The following DEPTOR variants were observed in gnomAD, a reference collection of about 807,000 sequenced individuals.
DEPTOR encodes DEP domain-containing mTOR-interacting protein.
DEPTOR carries 41 observed loss-of-function variants against 41.6 expected under a neutral mutation model. The observed-to-expected ratio is 0.98, with a 90% CI of 0.77 to 1.28. The LOEUF (loss-of-function observed/expected upper bound fraction) is 1.28. Among genes scored for constraint, DEPTOR ranks in the 50% most tolerant of loss-of-function variants. The pLI is 0.00. For missense variants in DEPTOR, 514 were observed against 527.9 expected (o/e 0.97, Z 0.26); for synonymous variants, 195 against 192.3 (o/e 1.01, Z -0.12).
intron 3 of DEPTOR, among the ~76,000 whole-genome samples, chr8:119,930,395 C>T (rs1828026520): frequency 6.6e-6 from 1 of 152,120 alleles, no homozygotes; most frequent in Non-Finnish European, 1.5e-5. Context: ...AGCCACCACA[C>T]CTGGCTAATT....
chr8:119,962,308 G>A (rs1209986931), intron 3 of DEPTOR, among the ~76,000 whole-genome samples: 1 of 151,988 alleles, frequency 6.6e-6, no homozygotes, highest in East Asian at 1.9e-4. Context: ...GACAAACATG[G>A]ACTCAACCTT....
intron 4 of DEPTOR, among the ~76,000 whole-genome samples, chr8:119,991,095 T>C (rs1434019411): frequency 7.9e-6 from 1 of 127,286 alleles, no homozygotes. Flanking sequence ...TCTTTTTCTT[T>C]CTTTCTTTCT....
chr8:119,894,238 G>A (rs947148428), intron 1 of DEPTOR, among the ~76,000 whole-genome samples: 1 of 151,690 alleles, frequency 6.6e-6, no homozygotes, highest in Non-Finnish European at 1.5e-5. Flanking sequence ...AAAATTTGTT[G>A]TTGTTGTTCT....
intron 8 of DEPTOR, among the ~76,000 whole-genome samples, chr8:120,031,460 G>A (rs565772675): frequency 2.0e-5 from 3 of 152,108 alleles, no homozygotes; most frequent in Admixed American, 2.0e-4. Context: ...GTAAGACTCT[G>A]TCTCAAAATA....
intron 1 of DEPTOR, among the ~76,000 whole-genome samples, chr8:119,889,086 A>G (rs1350043531): frequency 1.3e-5 from 2 of 152,152 alleles, no homozygotes; most frequent in African/African-American, 4.8e-5. Context: ...AAATATACTG[A>G]TAATTCAATA....
At chr8:119,965,203 A>G (rs1264587373) in intron 3 of DEPTOR, 29 bp from the exon 4 acceptor site, 1 of 1,596,464 alleles carries the variant, frequency 6.3e-7, no homozygotes, top group African/African-American at 1.3e-5. Context: ...GTATAGGTTT[A>G]CTTTTCTTTT....
At chr8:119,899,148 T>C (rs1827556344) in intron 1 of DEPTOR, among the ~76,000 whole-genome samples, 1 of 152,252 alleles carries the variant, frequency 6.6e-6, no homozygotes, top group Non-Finnish European at 1.5e-5. Context: ...CCCTATCCTG[T>C]AATAGAGTGA....
chr8:119,894,384 T>TTTTATATATTTATTTA, intron 1 of DEPTOR, among the ~76,000 whole-genome samples: 1 of 46,488 alleles, frequency 2.2e-5, no homozygotes, highest in Middle Eastern at 0.011. Context: ...AATAGTTCTT[T>TTTTATATATTTATTTA]TTTATTTATT....
In DEPTOR at chr8:119,928,401, C is replaced by G. The variant is rs1827990114; in HGVS notation, c.124C>G (p.Leu42Val). The change falls in exon 2 of 9, where the codon CTC becomes GTC. Residue 42 changes from leucine to valine, a missense_variant and splice_region_variant. By Grantham distance (32) the Leu-to-Val change is conservative. Transcript: ENST00000286234. ...AGTAATTGCTAATTTTTCTTTCAGG[C>G]TCAGGCTGCACGAAGAAAAGGTTAT... The part of the protein sequence containing the change: ...EVLVTGEQLR[L>V]RLHEEKVIKD... The G allele has an allele frequency of 1.2e-6, 2 of 1,610,596 alleles. No individual in the cohort carries two copies. Among genetic ancestry groups the G allele is most frequent in the East Asian group, 2.2e-5 (1 of 44,818 alleles).
intron 3 of DEPTOR, among the ~76,000 whole-genome samples, chr8:119,947,298 A>G (rs1828292234): frequency 6.6e-6 from 1 of 152,118 alleles, no homozygotes; most frequent in South Asian, 2.1e-4. Context: ...ACTGTTTTGT[A>G]CTCATTATAT....
intron 4 of DEPTOR, among the ~76,000 whole-genome samples, chr8:119,973,652 T>G (rs1050482565): frequency 2.0e-5 from 3 of 152,228 alleles, no homozygotes; most frequent in African/African-American, 7.2e-5. Flanking sequence ...GTGGGTAAAT[T>G]GCTCACAGCT....
intron 8 of DEPTOR, among the ~76,000 whole-genome samples, chr8:120,040,638 G>A (rs975824419): frequency 6.8e-6 from 1 of 146,170 alleles, no homozygotes; most frequent in Admixed American, 6.7e-5. Flanking sequence ...GAGCAATTGC[G>A]CAGTGAAAAA....
At chr8:119,989,562 A>C (rs1354214115) in intron 4 of DEPTOR, among the ~76,000 whole-genome samples, 1 of 152,188 alleles carries the variant, frequency 6.6e-6, no homozygotes, top group Non-Finnish European at 1.5e-5. Context: ...TGCCTTGTCT[A>C]AGCCCCAGTT....
chr8:119,948,926 T>A (rs1828317068), intron 3 of DEPTOR, among the ~76,000 whole-genome samples: 1 of 152,156 alleles, frequency 6.6e-6, no homozygotes, highest in South Asian at 2.1e-4. Flanking sequence ...TAGCTGGGAT[T>A]ACAGACATGC....
chr8:120,002,811 T>TATATATATATATATAA (rs1172358963), intron 5 of DEPTOR, among the ~76,000 whole-genome samples, 166 bp from the exon 6 acceptor site: 3 of 131,202 alleles, frequency 2.3e-5, no homozygotes, highest in African/African-American at 8.5e-5. Flanking sequence ...TATATATATA[T>TATATATATATATATAA]AATATAAAGT....
intron 4 of DEPTOR, among the ~76,000 whole-genome samples, chr8:119,982,475 G>C (rs1010516223): frequency 6.6e-6 from 1 of 152,198 alleles, no homozygotes; most frequent in Admixed American, 6.5e-5. Context: ...GTTGTGTTTA[G>C]CAACAAATAA....
intron 8 of DEPTOR, among the ~76,000 whole-genome samples, chr8:120,041,608 G>A (rs1007253065): frequency 2.0e-5 from 3 of 152,122 alleles, no homozygotes; most frequent in African/African-American, 7.2e-5. Flanking sequence ...CGCCATCTCA[G>A]CTCACTACAA....
chr8:119,996,747 C>G (rs1034499695), intron 4 of DEPTOR, among the ~76,000 whole-genome samples: 2 of 152,074 alleles, frequency 1.3e-5, no homozygotes, highest in Non-Finnish European at 2.9e-5. Flanking sequence ...TTTATTTATA[C>G]AGAGCCAATA....
intron 3 of DEPTOR, among the ~76,000 whole-genome samples, chr8:119,950,425 A>AT (rs1433789824): frequency 6.6e-6 from 1 of 151,524 alleles, no homozygotes; most frequent in South Asian, 2.1e-4. Flanking sequence ...ATTTAATTTA[A>AT]TTTTTTTTGA....
Sources: gnomAD v4.1 joint callset for allele counts (sites outside exome capture counted in the v4.1 genomes callset) on GRCh38, gnomAD v4.1.1 for gene constraint, MANE v1.5 for transcripts, NCBI Gene and HGNC (gene_info 2026-07-23, HGNC 2026-07-21) for gene names.